The following TFCP2L1 variants were observed in gnomAD, a reference collection of about 807,000 sequenced individuals.
TFCP2L1 encodes the protein transcription factor CP2-like protein 1.
Under a neutral mutation model 72.2 loss-of-function variants are expected in TFCP2L1, and 12 were observed. The observed-to-expected ratio is 0.17, with a 90% CI of 0.11 to 0.27. TFCP2L1 has a LOEUF of 0.27. Ranked by LOEUF, TFCP2L1 falls within the 10% of genes least tolerant of loss-of-function variation. TFCP2L1 has a pLI of 1.00. For missense variants in TFCP2L1, 488 were observed against 624.6 expected (o/e 0.78, Z 2.33); for synonymous variants, 260 against 251.0 (o/e 1.04, Z -0.34).
At chr2:121,284,759 G>C (rs1459305699) in intron 1 of TFCP2L1, among the ~76,000 whole-genome samples, 6 of 152,286 alleles carry the variant, frequency 3.9e-5, no homozygotes, top group Admixed American at 3.3e-4. Context: ...GCGGCGGGCC[G>C]GCAGGTGCGC....
chr2:121,255,246 G>A (rs182567839), intron 2 of TFCP2L1, among the ~76,000 whole-genome samples: 2 of 152,280 alleles, frequency 1.3e-5, no homozygotes, highest in Admixed American at 1.3e-4. Flanking sequence ...GTTGTACAGC[G>A]TAACTCCCCA....
At position 121,236,608 on chromosome 2, in the gene TFCP2L1, T is replaced by C. The variant is rs1013261102; in HGVS notation, c.1003+1015A>G. Among the ~76,000 whole-genome samples, 6 of 152,150 alleles carry C rather than the reference T, an allele frequency of 3.9e-5. No homozygotes were observed. The South Asian group carries it at 1.0e-3, about 26-fold the overall frequency. ...TTTAGGTACAATTCTATAGACACAA[T>C]GGCTTCCTTTCCACTGGGAGTAAAA... On this transcript the variant is annotated intron_variant, in intron 10 of 14. Transcript: ENST00000263707.
chr2:121,271,496 C>A (rs1462111866), intron 2 of TFCP2L1, among the ~76,000 whole-genome samples: 6 of 152,246 alleles, frequency 3.9e-5, no homozygotes, highest in African/African-American at 1.4e-4. Context: ...GTTTTAAAGT[C>A]ATTTGGTTTA....
chr2:121,259,194 A>G (rs532933714), intron 2 of TFCP2L1, among the ~76,000 whole-genome samples: 3 of 152,152 alleles, frequency 2.0e-5, no homozygotes, highest in African/African-American at 7.2e-5. Flanking sequence ...GAGGTAGGAC[A>G]ATCACTTGAA....
chr2:121,266,155 T>C (rs1367622528), intron 2 of TFCP2L1, among the ~76,000 whole-genome samples: 1 of 151,846 alleles, frequency 6.6e-6, no homozygotes, highest in East Asian at 1.9e-4. Flanking sequence ...TTTTTTTTTT[T>C]TTAATAGTTT....
intron 1 of TFCP2L1, among the ~76,000 whole-genome samples, chr2:121,284,739 G>A (rs1234355552): frequency 6.6e-6 from 1 of 152,162 alleles, no homozygotes; most frequent in African/African-American, 2.4e-5. Flanking sequence ...GGGCGGACGG[G>A]CCAGGGGAGG....
At chr2:121,256,838 C>A (rs559075402) in intron 2 of TFCP2L1, among the ~76,000 whole-genome samples, 1 of 152,036 alleles carries the variant, frequency 6.6e-6, no homozygotes, top group Admixed American at 6.6e-5. Flanking sequence ...TGCCTGTAAT[C>A]CCAGCTACTC....
chr2:121,258,211 A>G (rs1421396974), intron 2 of TFCP2L1, among the ~76,000 whole-genome samples: 1 of 152,230 alleles, frequency 6.6e-6, no homozygotes, highest in Admixed American at 6.5e-5. Context: ...CCACAAGGAC[A>G]GCGATGTGGG....
chr2:121,232,340 T>A (rs1324530601), intron 12 of TFCP2L1, among the ~76,000 whole-genome samples: 4 of 152,088 alleles, frequency 2.6e-5, no homozygotes, highest in African/African-American at 9.7e-5. Context: ...GGTTTCACCA[T>A]GTTGGCCAGG....
intron 4 of TFCP2L1, among the ~76,000 whole-genome samples, chr2:121,248,758 CA>C (rs1195706518): frequency 6.6e-6 from 1 of 152,226 alleles, no homozygotes; most frequent in Non-Finnish European, 1.5e-5. Flanking sequence ...TCCCTGTGAG[CA>C]GGTCTCTCAA....
Position 121,235,316 on chromosome 2 carries a change from G to T in TFCP2L1, c.1004-5C>A. The T allele has an allele frequency of 6.2e-7, 1 of 1,612,648 alleles. No homozygotes were observed. The highest frequency in any genetic ancestry group is 8.5e-7 in the Non-Finnish European group (1 of 1,179,482). On this transcript the variant is annotated splice_polypyrimidine_tract_variant and splice_region_variant and intron_variant, in intron 10 of 14. Transcript: ENST00000263707. ...ACATCTTCAGCAAGTCAGCACCTAGGCAGGAAAAAAACGGGGATGCCTGTT... is the reference window on the plus strand; with the variant it reads ...ACATCTTCAGCAAGTCAGCACCTAGTCAGGAAAAAAACGGGGATGCCTGTT...
Position 121,232,781 on chromosome 2 carries a change from G to C in TFCP2L1, c.1199-813C>G, listed in dbSNP as rs573435120. ...ACACAGTAACCCTAAGGAGAGAAGA[G>C]AGCACCAGGAGGGCACCATGGTGTC... On this transcript the variant is annotated intron_variant, in intron 12 of 14. Transcript: ENST00000263707. Among the ~76,000 whole-genome samples, 3 of 152,228 alleles carry C rather than the reference G, an allele frequency of 2.0e-5. No homozygotes were observed. In the South Asian group the frequency reaches 6.2e-4, roughly 32 times the overall value.
Position 121,217,199 on chromosome 2 carries a change from G to A in TFCP2L1, c.*7142C>T, listed in dbSNP as rs937170116. On this transcript the variant is annotated 3_prime_UTR_variant, in exon 15 of 15. Transcript: ENST00000263707. The stretch of plus-strand genomic sequence containing the variant: ...CATCTAACCTCCCAGTTGACTTCCT[G>A]AAAACTGGGCTAGTGGGGGCCTCCC... The A allele has an allele frequency of 6.6e-5, 10 of 152,418 alleles. No individual in the cohort carries two copies. The East Asian group carries it at 1.9e-3, about 29-fold the overall frequency. The allele number at this position is 152,418 out of a possible 1,614,324, so 9.4% of individuals were successfully genotyped here. A position where few individuals can be genotyped will look rare whatever the true frequency, so the allele number is the denominator to read the frequency against.
intron 2 of TFCP2L1, among the ~76,000 whole-genome samples, chr2:121,276,596 G>A (rs906642173): frequency 6.7e-6 from 1 of 150,262 alleles, no homozygotes; most frequent in Admixed American, 6.7e-5. Flanking sequence ...TGGAGCTACT[G>A]CACTCCAGTC....
chr2:121,243,406 C>G (rs986383803), intron 6 of TFCP2L1, among the ~76,000 whole-genome samples: 1 of 152,202 alleles, frequency 6.6e-6, no homozygotes, highest in Non-Finnish European at 1.5e-5. Context: ...GCATCTCTTA[C>G]AGCAGTGGTC....
chr2:121,285,018 A>C, intron 1 of TFCP2L1, 30 bp downstream of exon 1: 1 of 1,463,514 alleles, frequency 6.8e-7, no homozygotes, highest in Non-Finnish European at 9.0e-7. Flanking sequence ...GCCCGGCCCG[A>C]GACCCGCGGG....
intron 7 of TFCP2L1, 91 bp downstream of exon 7, chr2:121,242,268 G>T: frequency 1.8e-6 from 2 of 1,134,486 alleles, no homozygotes; most frequent in South Asian, 1.3e-5. Context: ...GTAGTCACCC[G>T]AGATGGGCGA....
chr2:121,273,965 G>A (rs993775521), intron 2 of TFCP2L1, among the ~76,000 whole-genome samples: 2 of 151,946 alleles, frequency 1.3e-5, no homozygotes, highest in African/African-American at 4.8e-5. Flanking sequence ...GTGGTAGTGG[G>A]CGCCTGTAAC....
intron 11 of TFCP2L1, 141 bp downstream of exon 11, chr2:121,235,072 ACATTTCCT>A: frequency 1.3e-6 from 1 of 768,476 alleles, no homozygotes; most frequent in South Asian, 1.7e-5. Flanking sequence ...CCCTCTTGCC[ACATTTCCT>A]CCTACACTTG....
Sources: gnomAD v4.1 joint callset for allele counts (sites outside exome capture counted in the v4.1 genomes callset) on GRCh38, gnomAD v4.1.1 for gene constraint, MANE v1.5 for transcripts, NCBI Gene and HGNC (gene_info 2026-07-23, HGNC 2026-07-21) for gene names.